The following OCA2 variants were observed in gnomAD, a reference collection of about 807,000 sequenced individuals.
The protein encoded by OCA2 is OCA2 melanosomal transmembrane protein.
In OCA2, 77 loss-of-function variants were observed where a neutral mutation model predicts 100.2. That is an observed-to-expected ratio of 0.77 (90% CI 0.64 to 0.93). The LOEUF (loss-of-function observed/expected upper bound fraction) is 0.93. OCA2 is among the 40% of genes least tolerant of loss of function. OCA2 has a pLI of 0.00. For synonymous variants in OCA2, 432 were observed against 439.2 expected, an observed-to-expected ratio of 0.98 and a Z score of 0.21; for missense variants, 1,062 against 1,089.1, an observed-to-expected ratio of 0.98 and a Z score of 0.35.
intron 21 of OCA2, among the ~76,000 whole-genome samples, chr15:27,862,477 A>T (rs564637827): frequency 0.019 from 2,741 of 145,288 alleles, 91 homozygotes; most frequent in African/African-American, 0.066. Flanking sequence ...CTCCTCAGAC[A>T]TTTTTTTTTT....
intron 2 of OCA2, among the ~76,000 whole-genome samples, chr15:28,074,021 C>T (rs2044348037): frequency 6.6e-6 from 1 of 151,748 alleles, no homozygotes; most frequent in Non-Finnish European, 1.5e-5. Context: ...CACACACACA[C>T]ACACACACAG....
At chr15:28,049,847 A>C (rs528017429) in intron 2 of OCA2, among the ~76,000 whole-genome samples, 2 of 152,352 alleles carry the variant, frequency 1.3e-5, no homozygotes, top group African/African-American at 4.8e-5. Context: ...CAGAGTTCAT[A>C]GTTGGAGTGA....
At chr15:27,794,168 G>A (rs1430769403) in intron 23 of OCA2, among the ~76,000 whole-genome samples, 2 of 152,306 alleles carry the variant, frequency 1.3e-5, no homozygotes, top group South Asian at 2.1e-4. Context: ...GGAACCCTCC[G>A]AAAACTGCGG....
At chr15:27,953,198 C>T (rs1164258064) in intron 17 of OCA2, among the ~76,000 whole-genome samples, 1 of 152,208 alleles carries the variant, frequency 6.6e-6, no homozygotes, top group African/African-American at 2.4e-5. Flanking sequence ...GATATAGACA[C>T]ACAGAGGTAG....
At chr15:27,867,496 T>C (rs1256413986) in intron 21 of OCA2, among the ~76,000 whole-genome samples, 4 of 152,048 alleles carry the variant, frequency 2.6e-5, no homozygotes, top group Admixed American at 2.0e-4. Flanking sequence ...TTAAAATAAA[T>C]AAATAAAGGA....
At chr15:27,971,618 A>C (rs1253140141) in intron 14 of OCA2, among the ~76,000 whole-genome samples, 8 of 152,132 alleles carry the variant, frequency 5.3e-5, no homozygotes, top group Non-Finnish European at 1.5e-5. Flanking sequence ...TTCCACCGAC[A>C]GAGAGTTATC....
chr15:28,012,142 C>T (rs1041868833), intron 9 of OCA2, among the ~76,000 whole-genome samples: 7 of 152,258 alleles, frequency 4.6e-5, no homozygotes, highest in Admixed American at 1.3e-4. Context: ...ACAGACATCA[C>T]GCTGAAGAAG....
chr15:27,871,317 A>G, intron 20 of OCA2, 59 bp from the exon 21 acceptor site: 1 of 1,331,456 alleles, frequency 7.5e-7, no homozygotes, highest in Non-Finnish European at 1.1e-6. Context: ...GGTCAGACCC[A>G]CCAGCCGCGA....
At chr15:27,721,170 T>C in the OCA2 span, among the ~76,000 whole-genome samples, 2 of 152,228 alleles carry the variant, frequency 1.3e-5, no homozygotes, top group Non-Finnish European at 2.9e-5. Flanking sequence ...TTTCGCTTCT[T>C]TAAAGAATTT....
chr15:27,913,838 GGA>G (rs2038504633), intron 19 of OCA2, among the ~76,000 whole-genome samples: 12 of 37,060 alleles, frequency 3.2e-4, no homozygotes, highest in African/African-American at 1.2e-3. Context: ...AAGAAAGAAA[GGA>G]AAGAAAGAAA....
At chr15:28,046,337 C>T (rs2043346451) in intron 2 of OCA2, among the ~76,000 whole-genome samples, 1 of 151,244 alleles carries the variant, frequency 6.6e-6, no homozygotes, top group Non-Finnish European at 1.5e-5. Context: ...GGGTTAGGAA[C>T]AGCAGATCTG....
chr15:28,046,012 C>T (rs756779542), intron 2 of OCA2, among the ~76,000 whole-genome samples: 1 of 152,180 alleles, frequency 6.6e-6, no homozygotes, highest in Non-Finnish European at 1.5e-5. Context: ...TGAGATGGCT[C>T]GCTGGTTAGG....
chr15:27,987,366 T>C (rs375408893), intron 11 of OCA2, among the ~76,000 whole-genome samples: 1 of 152,248 alleles, frequency 6.6e-6, no homozygotes, highest in African/African-American at 2.4e-5. Context: ...GCAGTCACCA[T>C]GTGTTGAACT....
chr15:27,787,565 T>G (rs924187034), intron 23 of OCA2, among the ~76,000 whole-genome samples: 7 of 152,180 alleles, frequency 4.6e-5, no homozygotes, highest in African/African-American at 1.4e-4. Context: ...ATAATACTTA[T>G]AACTTTTGAA....
intron 23 of OCA2, among the ~76,000 whole-genome samples, chr15:27,837,841 A>G (rs2035211214): frequency 6.6e-6 from 1 of 151,638 alleles, no homozygotes; most frequent in African/African-American, 2.4e-5. Context: ...AGAATCCTGT[A>G]AGACAAAAGG....
At chr15:27,786,554 AT>A (rs1283600021) in intron 23 of OCA2, among the ~76,000 whole-genome samples, 1 of 152,122 alleles carries the variant, frequency 6.6e-6, no homozygotes, top group Non-Finnish European at 1.5e-5. Flanking sequence ...ATTGAATAGA[AT>A]TGTTTTCTTA....
chr15:28,004,107 C>T (rs2042015477), intron 9 of OCA2, among the ~76,000 whole-genome samples: 1 of 152,260 alleles, frequency 6.6e-6, no homozygotes, highest in East Asian at 1.9e-4. Flanking sequence ...CTGATCCTTC[C>T]ATTTACCAAA....
intron 23 of OCA2, among the ~76,000 whole-genome samples, chr15:27,790,485 C>G (rs950910470): frequency 6.6e-6 from 1 of 152,106 alleles, no homozygotes; most frequent in South Asian, 2.1e-4. Context: ...CTGATGCATA[C>G]AAAAACATGA....
At chr15:27,931,802 C>A (rs865911444) in intron 18 of OCA2, among the ~76,000 whole-genome samples, 4 of 152,314 alleles carry the variant, frequency 2.6e-5, no homozygotes, top group Non-Finnish European at 4.4e-5. Flanking sequence ...ATCCAAACTA[C>A]CCTTTTGTCT....
Sources: allele counts gnomAD v4.1 joint callset (sites outside exome capture counted in the v4.1 genomes callset), GRCh38; gene constraint gnomAD v4.1.1; transcripts MANE v1.5; gene names NCBI Gene and HGNC (gene_info 2026-07-23, HGNC 2026-07-21).